Variants in DNM3 observed in about 807,000 individuals in gnomAD.
The protein encoded by DNM3 is dynamin-3.
Under a neutral mutation model 101.6 loss-of-function variants are expected in DNM3, and 47 were observed. That is an observed-to-expected ratio of 0.46 (90% CI 0.37 to 0.59). The LOEUF is 0.59. Ranked by LOEUF, DNM3 falls within the 20% of genes least tolerant of loss-of-function variation. The probability of loss-of-function intolerance (pLI) is 0.00; values close to 1 mark genes in which losing one functional copy is unlikely to be tolerated. For missense variants in DNM3, 849 were observed against 1,085.7 expected (o/e 0.78, Z 3.06); for synonymous variants, 385 against 387.9 (o/e 0.99, Z 0.09).
At chr1:172,315,267 T>C (rs1368909501) in intron 16 of DNM3, among the ~76,000 whole-genome samples, 1 of 151,904 alleles carries the variant, frequency 6.6e-6, no homozygotes, top group Non-Finnish European at 1.5e-5. Context: ...AGACCAAAAG[T>C]AGATAAAACC....
At chr1:171,911,354 C>T (rs1014373602) in intron 1 of DNM3, among the ~76,000 whole-genome samples, 1 of 145,164 alleles carries the variant, frequency 6.9e-6, no homozygotes, top group Admixed American at 7.3e-5. Flanking sequence ...AATCTCGGCT[C>T]ACTGCAACCT....
chr1:171,846,476 G>A (rs1361510136), intron 1 of DNM3, among the ~76,000 whole-genome samples: 3 of 152,094 alleles, frequency 2.0e-5, no homozygotes, highest in Non-Finnish European at 4.4e-5. Flanking sequence ...TAGAGGGTAG[G>A]CTATTGGGTT....
chr1:172,031,269 G>T (rs892285803), intron 4 of DNM3, among the ~76,000 whole-genome samples: 1 of 152,114 alleles, frequency 6.6e-6, no homozygotes, highest in South Asian at 2.1e-4. Context: ...AATGAAGCTG[G>T]AAGCCATTAT....
chr1:172,342,426 C>T (rs550855212), intron 17 of DNM3, among the ~76,000 whole-genome samples: 36 of 152,200 alleles, frequency 2.4e-4, no homozygotes, highest in African/African-American at 7.7e-4. Flanking sequence ...ACTCTGCGGC[C>T]ATTAAAAAGA....
intron 10 of DNM3, among the ~76,000 whole-genome samples, chr1:172,058,550 A>G (rs1381215964): frequency 2.0e-5 from 3 of 152,018 alleles, no homozygotes; most frequent in Admixed American, 2.0e-4. Flanking sequence ...CTCACTGAAA[A>G]CCCCTCAACT....
intron 10 of DNM3, among the ~76,000 whole-genome samples, chr1:172,049,163 GCTGTT>G (rs2050028026): frequency 6.6e-6 from 1 of 152,096 alleles, no homozygotes; most frequent in African/African-American, 2.4e-5. Flanking sequence ...CTTGAGTCTG[GCTGTT>G]CTGGGAAGGG....
chr1:172,096,520 A>G (rs2054256087), intron 13 of DNM3, among the ~76,000 whole-genome samples: 3 of 152,202 alleles, frequency 2.0e-5, no homozygotes, highest in Non-Finnish European at 4.4e-5. Context: ...AATCTGTGAT[A>G]AATTGGATGT....
rs759897946 is a variant in DNM3 at position 172,033,176 on chromosome 1, G to A, written c.760G>A (p.Ala254Thr). 6.2e-7 allele frequency: 1 copy of A among 1,611,120 alleles called. No homozygotes were observed. Among genetic ancestry groups the A allele is most frequent in the East Asian group, 2.2e-5 (1 of 44,800 alleles). Residue 254 changes from alanine (A) to threonine (T), a missense_variant, in exon 6 of 21, where the codon GCA becomes ACA. Physicochemically the swap from Ala to Thr is moderately conservative, Grantham distance 58. Around this residue, in one of 5 missense-constraint regions of DNM3, gnomAD observed 388 missense variants for 483.0 expected, o/e 0.80. Coordinates refer to ENST00000627582, the MANE Select transcript of DNM3 (RefSeq NM_015569.5). ...GKKDIKAAML[A>T]ERKFFLSHPA... ...GAAGGACATAAAGGCAGCCATGCTG[G>A]CAGAGAGGAAGTTTTTCCTTTCCCA...
rs566578444 is a variant in DNM3 at position 172,220,323 on chromosome 1, G to T, written c.1660-33250G>T. 3.2e-4 allele frequency among the ~76,000 whole-genome samples: 49 copies of T among 152,254 alleles called. 1 individual carries two copies. The highest frequency in any genetic ancestry group is 1.1e-3 in the African/African-American group (45 of 41,550). On this transcript the variant is annotated intron_variant, in intron 14 of 20. Coordinates refer to ENST00000627582, the MANE Select transcript of DNM3 (RefSeq NM_015569.5). Reference sequence around the variant, plus strand: ...TTCTGATATAACAGAAATTATGACAGAGGAGCTGTATACAAATTGGCTATA... The same window carrying T: ...TTCTGATATAACAGAAATTATGACATAGGAGCTGTATACAAATTGGCTATA...
At chr1:172,102,921 T>C (rs1010880393) in intron 13 of DNM3, among the ~76,000 whole-genome samples, 3 of 152,216 alleles carry the variant, frequency 2.0e-5, no homozygotes, top group African/African-American at 4.8e-5. Context: ...ACCAAAGATA[T>C]TATTTTATTA....
At chr1:172,382,217 C>T (rs1432808722) in intron 18 of DNM3, among the ~76,000 whole-genome samples, 1 of 152,122 alleles carries the variant, frequency 6.6e-6, no homozygotes, top group Non-Finnish European at 1.5e-5. Context: ...TTATGACAGA[C>T]GGTCTTTCTG....
chr1:172,090,644 G>A (rs74123794), intron 12 of DNM3, among the ~76,000 whole-genome samples: 2,001 of 152,264 alleles, frequency 0.013, 46 homozygotes, highest in African/African-American at 0.045. Context: ...AATATTTTTA[G>A]CAACCAAATA....
chr1:172,281,192 C>G (rs1573275420), intron 15 of DNM3, among the ~76,000 whole-genome samples: 3 of 151,938 alleles, frequency 2.0e-5, no homozygotes, highest in Admixed American at 2.0e-4. Flanking sequence ...AGAGAACTGA[C>G]AGAAGTATAG....
chr1:172,040,929 T>A (rs2049335857), intron 7 of DNM3, among the ~76,000 whole-genome samples: 1 of 152,120 alleles, frequency 6.6e-6, no homozygotes, highest in East Asian at 1.9e-4. Context: ...GTGAGTTGGA[T>A]GAGTGGTAAG....
chr1:171,993,088 T>A (rs2045744238), intron 4 of DNM3, among the ~76,000 whole-genome samples: 1 of 152,144 alleles, frequency 6.6e-6, no homozygotes, highest in South Asian at 2.1e-4. Context: ...ATTATAGCTT[T>A]ATATGATTAT....
At chr1:171,875,382 A>G (rs2035667945) in intron 1 of DNM3, among the ~76,000 whole-genome samples, 1 of 152,184 alleles carries the variant, frequency 6.6e-6, no homozygotes, top group Non-Finnish European at 1.5e-5. Flanking sequence ...TGTTTGTACC[A>G]AAGTTACTTA....
intron 6 of DNM3, among the ~76,000 whole-genome samples, chr1:172,034,971 G>A (rs982886787): frequency 6.6e-6 from 1 of 152,060 alleles, no homozygotes; most frequent in African/African-American, 2.4e-5. Flanking sequence ...GATCAGATCC[G>A]TGAGTGAAAA....
intron 4 of DNM3, among the ~76,000 whole-genome samples, chr1:172,008,681 G>T (rs1279597843): frequency 6.7e-6 from 1 of 149,216 alleles, no homozygotes; most frequent in East Asian, 1.9e-4. Context: ...AGTTTGAATG[G>T]ACTGTCCTTT....
chr1:171,891,332 T>C (rs978016965), intron 1 of DNM3, among the ~76,000 whole-genome samples: 10 of 146,880 alleles, frequency 6.8e-5, no homozygotes, highest in African/African-American at 2.1e-4. Context: ...TAGAAAAAAT[T>C]ACATGGGCAA....
Sources: allele counts gnomAD v4.1 joint callset (sites outside exome capture counted in the v4.1 genomes callset), GRCh38; gene constraint gnomAD v4.1.1; regional missense constraint gnomAD v4.1.1; transcripts MANE v1.5; gene names NCBI Gene and HGNC (gene_info 2026-07-23, HGNC 2026-07-21).